The following PTPRN2 variants were observed in gnomAD, a reference collection of about 807,000 sequenced individuals.
The protein encoded by PTPRN2 is receptor-type tyrosine-protein phosphatase N2.
Under a neutral mutation model 118.8 loss-of-function variants are expected in PTPRN2, and 74 were observed. That is an observed-to-expected ratio of 0.62 (90% CI 0.52 to 0.76). The LOEUF (loss-of-function observed/expected upper bound fraction) is 0.76. Ranked by LOEUF, PTPRN2 falls within the 30% of genes least tolerant of loss-of-function variation. PTPRN2 has a pLI of 0.00. For missense variants in PTPRN2, 1,481 were observed against 1,394.4 expected (o/e 1.06, Z -0.99); for synonymous variants, 641 against 608.0 (o/e 1.05, Z -0.80).
intron 11 of PTPRN2, among the ~76,000 whole-genome samples, chr7:158,016,144 C>T (rs575226692): frequency 2.1e-3 from 322 of 152,322 alleles, no homozygotes; most frequent in African/African-American, 7.2e-3. Flanking sequence ...AGAGAAAAAA[C>T]GATGCTTCCG....
chr7:158,328,260 G>A (rs949159052), intron 2 of PTPRN2, among the ~76,000 whole-genome samples: 2 of 152,218 alleles, frequency 1.3e-5, no homozygotes, highest in African/African-American at 2.4e-5. Context: ...AAGGAAGCAG[G>A]CACTGGCTCA....
At chr7:158,489,697 G>C in intron 2 of PTPRN2, 38 bp downstream of exon 2, 1 of 1,549,604 alleles carries the variant, frequency 6.5e-7, no homozygotes, top group Non-Finnish European at 8.7e-7. Context: ...GCAGGAGAGG[G>C]GCAGACCAGG....
chr7:158,168,791 G>A (rs1361331527), intron 5 of PTPRN2, among the ~76,000 whole-genome samples: 1 of 152,150 alleles, frequency 6.6e-6, no homozygotes, highest in Non-Finnish European at 1.5e-5. Context: ...CACACTTTGT[G>A]TCACTAGATA....
chr7:158,206,955 C>T (rs1363543174), intron 3 of PTPRN2, among the ~76,000 whole-genome samples: 2 of 104,758 alleles, frequency 1.9e-5, no homozygotes, highest in Non-Finnish European at 3.7e-5. Flanking sequence ...CTATCCCTCC[C>T]CCCTCCCCCC....
intron 2 of PTPRN2, among the ~76,000 whole-genome samples, chr7:158,359,045 T>C (rs1457055587): frequency 2.0e-5 from 3 of 152,130 alleles, no homozygotes; most frequent in East Asian, 1.9e-4. Context: ...GACTATGAGG[T>C]TGATGATGAG....
rs1797967533 is a variant in PTPRN2, at chr7:157,540,613, T to G, written c.*101A>C. 8 of 988,782 alleles carry G rather than the reference T, an allele frequency of 8.1e-6. No homozygotes were observed. Among genetic ancestry groups the G allele is most frequent in the Non-Finnish European group, 1.2e-5 (8 of 661,948 alleles). The allele number at this position is 988,782 out of a possible 1,614,324, so 61.3% of individuals were successfully genotyped here. On this transcript the variant is annotated 3_prime_UTR_variant, in exon 23 of 23. Transcript: ENST00000389418. ...ACTACGGGAGAGCTAAGGGCCCTAT[T>G]ACTATGCAGTTATAATAGAAGACAC...
chr7:158,156,765 G>A (rs562035760), intron 6 of PTPRN2, among the ~76,000 whole-genome samples: 51 of 152,364 alleles, frequency 3.3e-4, no homozygotes, highest in Non-Finnish European at 5.3e-4. Context: ...CCCTCAGAGC[G>A]GAAGCATCAC....
rs78614207 is a variant in PTPRN2, at chr7:158,538,765, G to A, written c.112+48793C>T. On this transcript the variant is annotated intron_variant, in intron 1 of 22. Transcript: ENST00000389418. ...GGGGCGGGAAGAGGAACTCAGGTCC[G>A]TGAACACCTGCCTCGTGCAGGGCCC... 2.7e-3 allele frequency among the ~76,000 whole-genome samples: 418 copies of A among 152,314 alleles called. 3 individuals are homozygous for A. The highest frequency in any genetic ancestry group is 9.5e-3 in the African/African-American group (393 of 41,564).
chr7:158,127,160 C>T (rs142634326), intron 9 of PTPRN2, among the ~76,000 whole-genome samples: 2 of 152,348 alleles, frequency 1.3e-5, no homozygotes, highest in African/African-American at 2.4e-5. Flanking sequence ...CAGCCGGCCT[C>T]CCCGCAAGAC....
chr7:158,534,687 A>T (rs1289236696), intron 1 of PTPRN2, among the ~76,000 whole-genome samples: 2 of 152,126 alleles, frequency 1.3e-5, no homozygotes, highest in Non-Finnish European at 2.9e-5. Flanking sequence ...ACCCAGGCCA[A>T]AGCTAGCCTA....
At chr7:158,500,032 C>CT (rs1394047025) in intron 1 of PTPRN2, among the ~76,000 whole-genome samples, 36 of 92,964 alleles carry the variant, frequency 3.9e-4, no homozygotes, top group African/African-American at 1.3e-3. Context: ...TACACTTGAG[C>CT]TAAAAAAAAA....
intron 21 of PTPRN2, among the ~76,000 whole-genome samples, chr7:157,562,482 G>A (rs1799239762): frequency 6.6e-6 from 1 of 152,186 alleles, no homozygotes; most frequent in Non-Finnish European, 1.5e-5. Flanking sequence ...CAACTGAAGA[G>A]CTGACTTGTA....
chr7:157,647,263 C>T (rs1356860212), intron 14 of PTPRN2, among the ~76,000 whole-genome samples: 1 of 52,654 alleles, frequency 1.9e-5, no homozygotes, highest in Non-Finnish European at 3.9e-5. Context: ...GTGCACTGAA[C>T]TCGGTGGGTC....
intron 5 of PTPRN2, among the ~76,000 whole-genome samples, chr7:158,170,842 C>T (rs1360727453): frequency 6.6e-6 from 1 of 152,038 alleles, no homozygotes; most frequent in Non-Finnish European, 1.5e-5. Context: ...GCTTAATGAC[C>T]TTTGCTTCAG....
chr7:158,146,579 G>A (rs921545008), intron 6 of PTPRN2, among the ~76,000 whole-genome samples: 5 of 151,526 alleles, frequency 3.3e-5, no homozygotes, highest in Non-Finnish European at 5.9e-5. Flanking sequence ...AAATTAGCCA[G>A]GCGTGGTGGC....
At chr7:157,744,877 G>C (rs1800829782) in intron 12 of PTPRN2, among the ~76,000 whole-genome samples, 1 of 152,176 alleles carries the variant, frequency 6.6e-6, no homozygotes, top group South Asian at 2.1e-4. Context: ...GCTTCCCTCA[G>C]CCCCTGGGTG....
chr7:158,529,600 CTG>C lies in PTPRN2; in HGVS notation c.113-39817_113-39816del, dbSNP rs1366174282. On this transcript the variant is annotated intron_variant, in intron 1 of 22. Coordinates refer to ENST00000389418, the MANE Select transcript of PTPRN2 (RefSeq NM_002847.5). This position sits in a 1 kb window ranked among gnomAD's most constrained non-coding sequence, Gnocchi z 4.7. ...GAGTCAAATGTGGGGAGAGTGGCAA[CTG>C]TGTGAGTCTGGGCTCCAATCAGCAG... Among the ~76,000 whole-genome samples, 3 of 152,226 alleles carry C rather than the reference CTG, an allele frequency of 2.0e-5. No individual in the cohort carries two copies. Among genetic ancestry groups the C allele is most frequent in the African/African-American group, 7.2e-5 (3 of 41,444 alleles).
At chr7:157,958,536 T>C (rs1223580685) in intron 11 of PTPRN2, among the ~76,000 whole-genome samples, 4 of 152,216 alleles carry the variant, frequency 2.6e-5, no homozygotes, top group Admixed American at 1.3e-4. Context: ...TAGAACTTAA[T>C]AGAATTTATT....
At chr7:158,400,028 C>T (rs1225308739) in intron 2 of PTPRN2, among the ~76,000 whole-genome samples, 1 of 152,174 alleles carries the variant, frequency 6.6e-6, no homozygotes, top group Non-Finnish European at 1.5e-5. Context: ...GTGACCACAC[C>T]TGCAGGGTAC....
Sources: gnomAD v4.1 joint callset for allele counts (sites outside exome capture counted in the v4.1 genomes callset) on GRCh38, gnomAD v4.1.1 for gene constraint, Gnocchi (gnomAD v3.1) non-coding constraint, MANE v1.5 for transcripts, NCBI Gene and HGNC (gene_info 2026-07-23, HGNC 2026-07-21) for gene names.